Variants in CCNF observed in about 807,000 individuals in gnomAD.
The protein encoded by CCNF is cyclin F.
A neutral mutation model predicts 85.4 loss-of-function variants in CCNF; 30 were observed. The ratio of observed to expected loss-of-function variants is 0.35; its 90% CI spans 0.26 to 0.48. CCNF has a LOEUF of 0.48. Among genes scored for constraint, CCNF ranks in the 20% least tolerant of loss-of-function variants. CCNF has a pLI of 0.99. For synonymous variants in CCNF, 439 were observed against 425.1 expected (o/e 1.03, Z -0.40); for missense variants, 919 against 1,010.4 (o/e 0.91, Z 1.23).
At chr16:2,449,239 G>T (rs781247687) in intron 11 of CCNF, 43 bp from the exon 12 acceptor site, 6 of 1,603,958 alleles carry the variant, frequency 3.7e-6, no homozygotes, top group Non-Finnish European at 5.1e-6. Context: ...GCACCAAGGA[G>T]CCCCCGAGCG....
rs1453876650 is a variant in CCNF at position 2,456,980 on chromosome 16, G to C, written c.2321G>C (p.Ser774Thr). ...AAGCGGATAAACCTATGCATACACA[G>C]TGAGGAGGAGGACATGAACCTGGGC... ...QVKRINLCIHSEEEDMNLGLV... is the reference protein window; with the variant it reads ...QVKRINLCIHTEEEDMNLGLV... Residue 774 changes from serine (S) to threonine (T), a missense_variant, in exon 17 of 17, where the codon AGT (serine) becomes ACT (threonine). Ser to Thr is a moderately conservative substitution (Grantham distance 58). Transcript: ENST00000397066. This position sits in a 1 kb window ranked among gnomAD's most constrained non-coding sequence, Gnocchi z 4.5. 1 of 1,604,132 alleles carries C rather than the reference G, an allele frequency of 6.2e-7. No individual in the cohort carries two copies. The highest frequency in any genetic ancestry group is 8.5e-7 in the Non-Finnish European group (1 of 1,174,560).
At chr16:2,437,755 C>T (rs1270746052) in intron 5 of CCNF, 2 of 353,834 alleles carry the variant, frequency 5.7e-6, no homozygotes, top group African/African-American at 2.1e-5. Context: ...AAAAGTTAGC[C>T]AGGGGTGGTG....
rs951551577 is a variant in CCNF, at chr16:2,436,861, G to T, written c.347-268G>T. 1.3e-5 allele frequency: 4 copies of T among 303,298 alleles called. No individual in the cohort carries two copies. In the Admixed American group the frequency reaches 2.0e-4, roughly 15 times the overall value. 18.8% of individuals were successfully genotyped at this position (303,298 alleles called of 1,614,324 possible). A position where few individuals can be genotyped will look rare whatever the true frequency, so the allele number is the denominator to read the frequency against. ...AGGGTGGGACATGAAGCGTCGCGGG[G>T]TCTCCTTCCCCTGACCTTCAGAATC... On this transcript the variant is annotated intron_variant, in intron 4 of 16. Coordinates refer to ENST00000397066, the MANE Select transcript of CCNF (RefSeq NM_001761.3).
Position 2,437,160 on chromosome 16 carries a change from G to A in CCNF, c.378G>A (p.Val126=). The A allele has an allele frequency of 6.2e-7, 1 of 1,608,084 alleles. No individual in the cohort carries two copies. Among genetic ancestry groups the A allele is most frequent in the Non-Finnish European group, 8.5e-7 (1 of 1,175,498 alleles). Residue 126 remains valine, a synonymous_variant, in exon 5 of 17, where the codon GTG becomes GTA. Transcript: ENST00000397066. The stretch of plus-strand genomic sequence containing the variant: ...TGTCTGATGAGGCCCGCGCAGAAGT[G>A]AATGGCCTGAAGGCCTCTCGCTTCT... ...LSVSDEARAE[V]NGLKASRFFS... is the part of the protein sequence containing the mutation.
chr16:2,434,988 C>T (rs1049003354), intron 3 of CCNF, among the ~76,000 whole-genome samples: 1 of 152,144 alleles, frequency 6.6e-6, no homozygotes, highest in Non-Finnish European at 1.5e-5. Flanking sequence ...AGCGTGGTGG[C>T]TCACGCTTGT....
intron 8 of CCNF, among the ~76,000 whole-genome samples, chr16:2,441,728 G>A (rs1255785233): frequency 6.6e-6 from 1 of 151,270 alleles, no homozygotes; most frequent in Admixed American, 6.6e-5. Context: ...TGTTGGCCAG[G>A]CTGGTCTAAA....
Position 2,453,129 on chromosome 16 carries a change from T to C in CCNF, c.1488-81T>C. ...AGAGTGACTGCACCATTTTGCATTC[T>C]CATTGCTCACTTCAGTGAACTGAAG... On this transcript the variant is annotated intron_variant, in intron 13 of 16. Transcript: ENST00000397066. The surrounding 1 kb of genome is among the most constrained non-coding windows in gnomAD (Gnocchi z 5.6). The C allele has an allele frequency of 8.2e-7, 1 of 1,215,396 alleles. No individual in the cohort carries two copies. The highest frequency in any genetic ancestry group is 1.2e-5 in the South Asian group (1 of 82,062). The allele number at this position is 1,215,396 out of a possible 1,614,324, so 75.3% of individuals were successfully genotyped here.
intron 7 of CCNF, 135 bp downstream of exon 7, chr16:2,439,592 A>AGT: frequency 1.1e-6 from 1 of 893,988 alleles, no homozygotes; most frequent in Non-Finnish European, 1.8e-6. Context: ...TCCGGGAACC[A>AGT]CTGGTCAGTC....
chr16:2,447,622 G>T (rs532235217), intron 10 of CCNF, among the ~76,000 whole-genome samples: 1 of 152,066 alleles, frequency 6.6e-6, no homozygotes, highest in South Asian at 2.1e-4. Context: ...GTGGTAGTGG[G>T]CGCCTGTAGT....
intron 1 of CCNF, among the ~76,000 whole-genome samples, chr16:2,430,812 T>C (rs1381002747): frequency 6.6e-6 from 1 of 152,218 alleles, no homozygotes; most frequent in Admixed American, 6.5e-5. Flanking sequence ...CTTCGGCAGC[T>C]TTTTCCCCTT....
intron 2 of CCNF, among the ~76,000 whole-genome samples, chr16:2,431,679 CA>C (rs553578806): frequency 0.57 from 42,068 of 73,166 alleles, 8,400 homozygotes; most frequent in East Asian, 0.69. Context: ...GACTCTGTCT[CA>C]AAAAAAAAAA....
intron 10 of CCNF, among the ~76,000 whole-genome samples, chr16:2,447,270 A>G (rs2065367090): frequency 1.3e-5 from 2 of 150,082 alleles, no homozygotes; most frequent in African/African-American, 4.9e-5. Context: ...ACTCTGCCTT[A>G]TTATCTTTTT....
Position 2,449,447 on chromosome 16 carries a change from C to G in CCNF, c.1384C>G (p.Leu462Val). The G allele has an allele frequency of 6.2e-7, 1 of 1,605,840 alleles. No individual in the cohort carries two copies. The highest frequency in any genetic ancestry group is 8.5e-7 in the Non-Finnish European group (1 of 1,179,578). The change falls in exon 12 of 17, where the codon CTG becomes GTG. Residue 462 changes from leucine (L) to valine (V), a missense_variant. By Grantham distance (32) the Leu-to-Val change is conservative. This residue lies in a region of CCNF where 505 missense variants were observed against 514.8 expected (regional missense o/e 0.98). Coordinates refer to ENST00000397066, the MANE Select transcript of CCNF (RefSeq NM_001761.3). ...LAAAALLLAR[L>V]THGQTQPWTT... is the part of the protein sequence containing the mutation. ...TGCCGCAGCCCTGCTCCTGGCCAGA[C>G]TGACGCACGGGCAGAGTAAGGAGTG... is the stretch of plus-strand genomic sequence containing the variant.
chr16:2,445,690 C>G, intron 10 of CCNF, 68 bp downstream of exon 10: 2 of 1,394,884 alleles, frequency 1.4e-6, no homozygotes, highest in Non-Finnish European at 2.0e-6. Context: ...GTCACCTGCC[C>G]TTCATGTGCT....
At chr16:2,449,776 A>ATCCCCTCTG (rs2065383544) in intron 12 of CCNF, 52 bp from the exon 13 acceptor site, 12 of 383,610 alleles carry the variant, frequency 3.1e-5, no homozygotes, top group East Asian at 1.6e-4. Flanking sequence ...CGTCCCCTCC[A>ATCCCCTCTG]TCCCCTCCGT....
At position 2,452,084 on chromosome 16, in the gene CCNF, T is replaced by C. The variant is rs950903966; in HGVS notation, c.1488-1126T>C. On this transcript the variant is annotated intron_variant, in intron 13 of 16. Transcript: ENST00000397066. The surrounding 1 kb of genome is among the most constrained non-coding windows in gnomAD (Gnocchi z 4.1). ...TGCAGTTTCCTCGTGCGCTCACAGC[T>C]TGGGGACTGGAGCTATCCGTGGCGG... Among the ~76,000 whole-genome samples the C allele has an allele frequency of 1.3e-5, 2 of 152,364 alleles. No homozygotes were observed. The highest frequency in any genetic ancestry group is 2.1e-4 in the South Asian group (1 of 4,830).
chr16:2,431,350 C>T, intron 2 of CCNF, 66 bp downstream of exon 2: 1 of 1,535,256 alleles, frequency 6.5e-7, no homozygotes, highest in Non-Finnish European at 8.9e-7. Flanking sequence ...GCCTTGTGTT[C>T]TTAACTGTCA....
At position 2,452,711 on chromosome 16, in the gene CCNF, C is replaced by T. The variant is rs964528135; in HGVS notation, c.1488-499C>T. ...ACCCTCCCGTTCCCCCCAACTTCCT[C>T]AGCGCTAGATGACCCCCAGTAGTCT... On this transcript the variant is annotated intron_variant, in intron 13 of 16. Coordinates refer to ENST00000397066, the MANE Select transcript of CCNF (RefSeq NM_001761.3). This position sits in a 1 kb window ranked among gnomAD's most constrained non-coding sequence, Gnocchi z 4.1. The T allele has an allele frequency of 6.3e-6, 1 of 158,402 alleles. No individual in the cohort carries two copies. The highest frequency in any genetic ancestry group is 2.4e-5 in the African/African-American group (1 of 41,498). 9.8% of individuals were successfully genotyped at this position (158,402 alleles called of 1,614,324 possible). A position where few individuals can be genotyped will look rare whatever the true frequency, so the allele number is the denominator to read the frequency against.
Position 2,449,358 on chromosome 16 carries a change from G to C in CCNF, c.1295G>C (p.Ser432Thr), listed in dbSNP as rs754760067. 1.9e-6 allele frequency: 3 copies of C among 1,613,636 alleles called. No homozygotes were observed. Among genetic ancestry groups the C allele is most frequent in the Admixed American group, 1.7e-5 (1 of 60,034 alleles). The change falls in exon 12 of 17, where the codon AGC becomes ACC. Residue 432 changes from serine (S) to threonine (T), a missense_variant. By Grantham distance (58) the Ser-to-Thr change is moderately conservative (BLOSUM62 1). This residue lies in a region of CCNF where 505 missense variants were observed against 514.8 expected (regional missense o/e 0.98). Coordinates refer to ENST00000397066, the MANE Select transcript of CCNF (RefSeq NM_001761.3). ...PVELRTQHLCSFLCELSLLHT... is the reference protein window; with the variant it reads ...PVELRTQHLCTFLCELSLLHT... ...GAGCTGAGAACCCAGCACCTGTGCA[G>C]CTTCCTCTGCGAGCTCTCCCTGCTG...
Sources: allele counts gnomAD v4.1 joint callset (sites outside exome capture counted in the v4.1 genomes callset), GRCh38; gene constraint gnomAD v4.1.1; regional missense constraint gnomAD v4.1.1; non-coding constraint Gnocchi (gnomAD v3.1); transcripts MANE v1.5; gene names NCBI Gene and HGNC (gene_info 2026-07-23, HGNC 2026-07-21).